SLC8A1: variants seen among roughly 807,000 people sequenced by gnomAD.
The protein encoded by SLC8A1 is solute carrier family 8 member A1.
A neutral mutation model predicts 68.3 loss-of-function variants in SLC8A1; 18 were observed. That is an observed-to-expected ratio of 0.26 (90% CI 0.18 to 0.39). The LOEUF is 0.39. SLC8A1 is among the 10% of genes least tolerant of loss of function. The probability of loss-of-function intolerance (pLI) is 1.00; values close to 1 mark genes in which losing one functional copy is unlikely to be tolerated. For synonymous variants in SLC8A1, 475 were observed against 415.5 expected (o/e 1.14, Z -1.74); for missense variants, 985 against 1,156.7 (o/e 0.85, Z 2.15).
rs2044764179 is a variant in SLC8A1, at chr2:40,157,469, A to T, written c.2161+3296T>A. Among the ~76,000 whole-genome samples the T allele has an allele frequency of 2.6e-5, 4 of 152,100 alleles. No homozygotes were observed. The South Asian group carries it at 8.3e-4, about 32-fold the overall frequency. On this transcript the variant is annotated intron_variant, in intron 6 of 7. Transcript: ENST00000406785. ...CTCTCCTTTGCCTCACCTCTGCCCA[A>T]AGCTGTTGTGAAGAACAATATGGTG...
intron 4 of SLC8A1, among the ~76,000 whole-genome samples, chr2:40,171,327 A>G (rs1030993048): frequency 6.6e-6 from 1 of 152,250 alleles, no homozygotes. Context: ...TGTGCTGAGC[A>G]TAATAGGATT....
chr2:40,400,627 G>A (rs1010027001), intron 2 of SLC8A1, among the ~76,000 whole-genome samples: 3 of 152,270 alleles, frequency 2.0e-5, no homozygotes, highest in African/African-American at 7.2e-5. Flanking sequence ...ATGAGAGGGT[G>A]TTCCTGCTGG....
intron 2 of SLC8A1, among the ~76,000 whole-genome samples, chr2:40,309,965 A>G (rs1381048243): frequency 1.3e-5 from 2 of 152,136 alleles, no homozygotes. Context: ...TGTACCAATA[A>G]CCATTCACTC....
chr2:40,381,574 A>G (rs1242987498), intron 2 of SLC8A1, among the ~76,000 whole-genome samples: 1 of 151,938 alleles, frequency 6.6e-6, no homozygotes, highest in South Asian at 2.1e-4. Context: ...CCATCTCCAT[A>G]AAGTTAGTCA....
upstream of SLC8A1, among the ~76,000 whole-genome samples, chr2:40,455,821 TTG>T (rs1339265468): frequency 1.3e-5 from 2 of 152,180 alleles, no homozygotes; most frequent in Middle Eastern, 3.2e-3. Context: ...AACACCACTC[TTG>T]TACCTCACCC....
At chr2:40,188,001 T>G (rs1254424272) in intron 2 of SLC8A1, among the ~76,000 whole-genome samples, 4 of 152,210 alleles carry the variant, frequency 2.6e-5, no homozygotes, top group Non-Finnish European at 4.4e-5. Context: ...TGGGGTCTGT[T>G]ACCTACACAT....
chr2:40,478,781 T>G lies in SLC8A1; in HGVS notation c.-25+33568A>C, dbSNP rs528899483. ...CAACCACCTAATTTGTTTGTTTTTT[T>G]TTTTTTTTAGACAGAGTTTCGCTCT... is the stretch of plus-strand genomic sequence containing the variant. On this transcript the variant is annotated intron_variant, in intron 1 of 7. Coordinates refer to the SLC8A1 transcript ENST00000402441. 2.6e-5 allele frequency among the ~76,000 whole-genome samples: 4 copies of G among 152,108 alleles called. No homozygotes were observed. The East Asian group carries it at 7.7e-4, about 29-fold the overall frequency.
chr2:40,175,417 C>A (rs1010531059), intron 3 of SLC8A1, 136 bp from the exon 4 acceptor site: 9 of 765,626 alleles, frequency 1.2e-5, no homozygotes, highest in African/African-American at 7.0e-5. Flanking sequence ...AATGGGTATA[C>A]CCCAAAGAAA....
At chr2:40,222,813 A>G (rs1029943576) in intron 2 of SLC8A1, among the ~76,000 whole-genome samples, 6 of 152,256 alleles carry the variant, frequency 3.9e-5, no homozygotes, top group African/African-American at 9.6e-5. Flanking sequence ...CAAAGCCACA[A>G]TGAGATACCA....
intron 2 of SLC8A1, among the ~76,000 whole-genome samples, chr2:40,280,173 T>G (rs2067303878): frequency 6.9e-6 from 1 of 144,536 alleles, no homozygotes; most frequent in African/African-American, 2.6e-5. Context: ...AGTGTAAACC[T>G]GACTAAAATA....
intron 2 of SLC8A1, among the ~76,000 whole-genome samples, chr2:40,340,224 C>A (rs1381872894): frequency 2.0e-5 from 3 of 152,148 alleles, no homozygotes; most frequent in Non-Finnish European, 2.9e-5. Context: ...CTATTTCAAA[C>A]TTCTGGTCCT....
intron 2 of SLC8A1, among the ~76,000 whole-genome samples, chr2:40,306,728 C>A (rs928177428): frequency 2.0e-5 from 3 of 152,124 alleles, no homozygotes; most frequent in Non-Finnish European, 4.4e-5. Flanking sequence ...TCAATTACTG[C>A]ACGTAAGTAG....
intron 1 of SLC8A1, among the ~76,000 whole-genome samples, chr2:40,501,048 C>T (rs1263184538): frequency 6.6e-6 from 1 of 151,810 alleles, no homozygotes; most frequent in Middle Eastern, 3.2e-3. Flanking sequence ...GCTTACTGTC[C>T]CTAAACATAT....
chr2:40,447,687 TAGA>T (rs1701708196), intron 1 of SLC8A1, among the ~76,000 whole-genome samples: 1 of 150,700 alleles, frequency 6.6e-6, no homozygotes, highest in African/African-American at 2.5e-5. Flanking sequence ...TAGGGTCTAT[TAGA>T]TAGAATTCCT....
chr2:40,247,089 G>A (rs1386736378), intron 2 of SLC8A1, among the ~76,000 whole-genome samples: 1 of 152,160 alleles, frequency 6.6e-6, no homozygotes, highest in African/African-American at 2.4e-5. Flanking sequence ...TTATAGATTA[G>A]TATTATAGGA....
intron 2 of SLC8A1, among the ~76,000 whole-genome samples, chr2:40,237,558 C>A (rs2148937838): frequency 6.6e-6 from 1 of 151,764 alleles, no homozygotes; most frequent in Middle Eastern, 3.5e-3. Flanking sequence ...GAATGTCCTC[C>A]CGTAGCTCAG....
intron 2 of SLC8A1, among the ~76,000 whole-genome samples, chr2:40,316,861 AGCAACCATACCTCAGG>A (rs1406549427): frequency 1.3e-5 from 2 of 151,988 alleles, no homozygotes; most frequent in African/African-American, 4.8e-5. Flanking sequence ...GATAAAGGAA[AGCAACCATACCTCAGG>A]GCATTCATCA....
At chr2:40,223,443 CGTCAT>C (rs964703202) in intron 2 of SLC8A1, among the ~76,000 whole-genome samples, 1 of 151,924 alleles carries the variant, frequency 6.6e-6, no homozygotes, top group African/African-American at 2.4e-5. Context: ...TACAGCAAAC[CGTCAT>C]GGCACGTGTA....
chr2:40,246,900 C>A (rs1039774822), intron 2 of SLC8A1, among the ~76,000 whole-genome samples: 3 of 151,932 alleles, frequency 2.0e-5, no homozygotes, highest in Non-Finnish European at 2.9e-5. Flanking sequence ...ACAGTAGCTA[C>A]CAGTGCCTGG....
Sources: allele counts gnomAD v4.1 joint callset (sites outside exome capture counted in the v4.1 genomes callset), GRCh38; gene constraint gnomAD v4.1.1; transcripts MANE v1.5; gene names NCBI Gene and HGNC (gene_info 2026-07-23, HGNC 2026-07-21).